Variants in NEMP2 observed in about 807,000 individuals in gnomAD.
NEMP2 encodes the protein UPF0571 transmembrane protein.
In NEMP2, 53 loss-of-function variants were observed where a neutral mutation model predicts 54.2. That is an observed-to-expected ratio of 0.98 (90% CI 0.78 to 1.23). The LOEUF is 1.23. NEMP2 is among the 50% of genes most tolerant of loss of function. The probability of loss-of-function intolerance (pLI) is 0.00; values close to 1 mark genes in which losing one functional copy is unlikely to be tolerated. For missense variants in NEMP2, 455 were observed against 511.3 expected (o/e 0.89, Z 1.06); for synonymous variants, 197 against 190.3 (o/e 1.04, Z -0.29).
In NEMP2 at chr2:190,509,188, G is replaced by A. The variant is rs1417457817; in HGVS notation, c.*1C>T. Reference sequence around the variant, plus strand: ...AATGAAGTCAACTTGAAGGTCGCATGTCAGGCAGTACTCGGGTTAAAGAGC... The same window carrying A: ...AATGAAGTCAACTTGAAGGTCGCATATCAGGCAGTACTCGGGTTAAAGAGC... On this transcript the variant is annotated 3_prime_UTR_variant, in exon 9 of 9. Transcript: ENST00000409150. The surrounding 1 kb of genome is among the most constrained non-coding windows in gnomAD (Gnocchi z 6.1). The A allele has an allele frequency of 6.4e-7, 1 of 1,551,662 alleles. No individual in the cohort carries two copies. The highest frequency in any genetic ancestry group is 8.7e-7 in the Non-Finnish European group (1 of 1,147,000).
chr2:190,534,661 TA>T lies in NEMP2; in HGVS notation c.-7del. On this transcript the variant is annotated 5_prime_UTR_variant, in exon 1 of 9. Coordinates refer to ENST00000409150, the MANE Select transcript of NEMP2 (RefSeq NM_001142645.2). ...CGCCCTTGGCGCGGCCCCATTTCGT[TA>T]GGGGTCAGCTCCGTGCGACCCGAGC... The T allele has an allele frequency of 7.6e-7, 1 of 1,310,812 alleles. No individual in the cohort carries two copies. The highest frequency in any genetic ancestry group is 9.7e-7 in the Non-Finnish European group (1 of 1,032,594). 81.2% of individuals were successfully genotyped at this position (1,310,812 alleles called of 1,614,324 possible).
chr2:190,646,305 G>T, the NEMP2 span, among the ~76,000 whole-genome samples: 1 of 152,166 alleles, frequency 6.6e-6, no homozygotes, highest in Non-Finnish European at 1.5e-5. Flanking sequence ...GAATCTCTTT[G>T]CTTTCCTCTA....
chr2:190,560,463 T>C, the NEMP2 span, among the ~76,000 whole-genome samples: 1 of 152,244 alleles, frequency 6.6e-6, no homozygotes, highest in African/African-American at 2.4e-5. The surrounding 1 kb of genome is among the most constrained non-coding windows in gnomAD (Gnocchi z 5.4). Context: ...ATGTTAGTCA[T>C]TTTATCTTTT....
At chr2:190,630,450 T>TCA in the NEMP2 span, among the ~76,000 whole-genome samples, 1 of 152,178 alleles carries the variant, frequency 6.6e-6, no homozygotes. The surrounding 1 kb of genome is among the most constrained non-coding windows in gnomAD (Gnocchi z 5.5). Context: ...ACTCCTGACC[T>TCA]TGTGATCTGC....
the NEMP2 span, among the ~76,000 whole-genome samples, chr2:190,454,983 TGTATATGTATATGTATAA>T: frequency 2.3e-5 from 2 of 86,150 alleles, no homozygotes; most frequent in African/African-American, 6.2e-5. This position sits in a 1 kb window ranked among gnomAD's most constrained non-coding sequence, Gnocchi z 4.6. Context: ...TATATGTATA[TGTATATGTATATGTATAA>T]TGTATATGTA....
At chr2:190,639,727 C>T in the NEMP2 span, among the ~76,000 whole-genome samples, 24 of 151,994 alleles carry the variant, frequency 1.6e-4, no homozygotes, top group Admixed American at 1.4e-3. Flanking sequence ...CAGCTTACTG[C>T]AACCTCAGCC....
the NEMP2 span, among the ~76,000 whole-genome samples, chr2:190,613,223 C>T: frequency 1.3e-5 from 2 of 152,076 alleles, no homozygotes; most frequent in Non-Finnish European, 2.9e-5. Flanking sequence ...AGTCCTTTCC[C>T]AGGATGAACT....
chr2:190,422,959 A>AGGAGTGGGAATAGGGTTATGAT, the NEMP2 span, among the ~76,000 whole-genome samples: 2 of 151,954 alleles, frequency 1.3e-5, no homozygotes, highest in East Asian at 1.9e-4. Context: ...CAAAGTCAAC[A>AGGAGTGGGAATAGGGTTATGAT]CTTCATGAAA....
chr2:190,556,432 C>T, the NEMP2 span, among the ~76,000 whole-genome samples: 1 of 152,106 alleles, frequency 6.6e-6, no homozygotes, highest in Non-Finnish European at 1.5e-5. Context: ...ACATGGATGC[C>T]CTCTCTCAAC....
the NEMP2 span, among the ~76,000 whole-genome samples, chr2:190,541,198 G>A: frequency 6.8e-6 from 1 of 146,714 alleles, no homozygotes; most frequent in Admixed American, 6.9e-5. This position sits in a 1 kb window ranked among gnomAD's most constrained non-coding sequence, Gnocchi z 5.2. Flanking sequence ...ATATATATTT[G>A]GTCTCCATTT....
the NEMP2 span, among the ~76,000 whole-genome samples, chr2:190,430,176 G>A: frequency 1.3e-5 from 2 of 150,988 alleles, no homozygotes; most frequent in Non-Finnish European, 1.5e-5. Flanking sequence ...GGACATGAAC[G>A]CATCCTTTTT....
At chr2:190,644,130 C>G in the NEMP2 span, among the ~76,000 whole-genome samples, 1 of 149,220 alleles carries the variant, frequency 6.7e-6, no homozygotes, top group Non-Finnish European at 1.5e-5. This position sits in a 1 kb window ranked among gnomAD's most constrained non-coding sequence, Gnocchi z 4.4. Context: ...TATACTGAGG[C>G]CTGCCAAGGC....
chr2:190,566,058 G>A, the NEMP2 span, among the ~76,000 whole-genome samples: 2 of 141,978 alleles, frequency 1.4e-5, no homozygotes, highest in Middle Eastern at 3.4e-3. Context: ...GCTCTGCACT[G>A]AAGCAATCCC....
chr2:190,530,489 G>A lies in NEMP2; in HGVS notation c.97+4070C>T, dbSNP rs150034125. On this transcript the variant is annotated intron_variant, in intron 1 of 8. Transcript: ENST00000409150. The surrounding 1 kb of genome is among the most constrained non-coding windows in gnomAD (Gnocchi z 4.6). ...GCTTCAAGTCAGTTCATTAAGCCAC[G>A]GGCTATTTGGACTAGGCAAAAGACA... Among the ~76,000 whole-genome samples the A allele has an allele frequency of 2.5e-3, 380 of 152,248 alleles. 2 individuals carry two copies. Among genetic ancestry groups the A allele is most frequent in the African/African-American group, 8.7e-3 (360 of 41,518 alleles).
At chr2:190,632,340 C>T in the NEMP2 span, among the ~76,000 whole-genome samples, 1 of 152,246 alleles carries the variant, frequency 6.6e-6, no homozygotes, top group Non-Finnish European at 1.5e-5. The surrounding 1 kb of genome is among the most constrained non-coding windows in gnomAD (Gnocchi z 4.8). Context: ...TGGAGTCCCT[C>T]TCAGTCAATG....
Position 190,528,860 on chromosome 2 carries a change from T to C in NEMP2, c.98-3482A>G, listed in dbSNP as rs779747003. The stretch of plus-strand genomic sequence containing the variant: ...TAAGAGCAAGATGATGCAATTTAAG[T>C]ATAGTGTATACTGCAGTTTCAACAT... On this transcript the variant is annotated intron_variant, in intron 1 of 8. Transcript: ENST00000409150. The surrounding 1 kb of genome is among the most constrained non-coding windows in gnomAD (Gnocchi z 4.3). Among the ~76,000 whole-genome samples, 1 of 152,184 alleles carries C rather than the reference T, an allele frequency of 6.6e-6. No individual in the cohort carries two copies. The highest frequency in any genetic ancestry group is 2.4e-5 in the African/African-American group (1 of 41,420).
the NEMP2 span, among the ~76,000 whole-genome samples, chr2:190,561,685 G>A: frequency 6.6e-6 from 1 of 152,172 alleles, no homozygotes; most frequent in Admixed American, 6.5e-5. The surrounding 1 kb of genome is among the most constrained non-coding windows in gnomAD (Gnocchi z 5.4). Context: ...GTTGGTGGGA[G>A]AGGTAGGAAG....
the NEMP2 span, among the ~76,000 whole-genome samples, chr2:190,642,002 T>C: frequency 6.6e-6 from 1 of 152,262 alleles, no homozygotes; most frequent in African/African-American, 2.4e-5. This position sits in a 1 kb window ranked among gnomAD's most constrained non-coding sequence, Gnocchi z 4.1. Context: ...GTCAATTAAA[T>C]GTTTGGTTGT....
the NEMP2 span, among the ~76,000 whole-genome samples, chr2:190,471,527 G>A: frequency 1.3e-5 from 2 of 152,220 alleles, no homozygotes; most frequent in Non-Finnish European, 2.9e-5. This position sits in a 1 kb window ranked among gnomAD's most constrained non-coding sequence, Gnocchi z 4.7. Context: ...CTGCAAGGCG[G>A]CAGTGAGGCT....
Sources: gnomAD v4.1 joint callset for allele counts (sites outside exome capture counted in the v4.1 genomes callset) on GRCh38, gnomAD v4.1.1 for gene constraint, Gnocchi (gnomAD v3.1) non-coding constraint, MANE v1.5 for transcripts, NCBI Gene and HGNC (gene_info 2026-07-23, HGNC 2026-07-21) for gene names.